Variants in SGMS1 observed in about 807,000 individuals in gnomAD.
SGMS1 encodes sphingomyelin synthase 1, also known as phosphatidylcholine:ceramide cholinephosphotransferase 1.
Under a neutral mutation model 46.2 loss-of-function variants are expected in SGMS1, and 13 were observed. The ratio of observed to expected loss-of-function variants is 0.28; its 90% CI spans 0.18 to 0.45. The LOEUF (loss-of-function observed/expected upper bound fraction) is 0.45. Ranked by LOEUF, SGMS1 falls within the 20% of genes least tolerant of loss-of-function variation. The pLI is 1.00. For missense variants in SGMS1, 324 were observed against 519.9 expected, an observed-to-expected ratio of 0.62 and a Z score of 3.66; for synonymous variants, 203 against 187.8, an observed-to-expected ratio of 1.08 and a Z score of -0.66.
At chr10:50,381,366 A>G (rs1445410257) in intron 6 of SGMS1, among the ~76,000 whole-genome samples, 2 of 152,122 alleles carry the variant, frequency 1.3e-5, no homozygotes, top group Non-Finnish European at 1.5e-5. Flanking sequence ...CTTTGGGAGC[A>G]CTGCCTACAC....
intron 7 of SGMS1, among the ~76,000 whole-genome samples, chr10:50,331,797 C>CT (rs1847627195): frequency 7.4e-6 from 1 of 134,472 alleles, no homozygotes; most frequent in Non-Finnish European, 1.6e-5. Context: ...AATTAGTGCC[C>CT]TTATAAAATA....
chr10:50,496,281 T>C (rs1368351463), intron 3 of SGMS1, among the ~76,000 whole-genome samples: 1 of 152,240 alleles, frequency 6.6e-6, no homozygotes, highest in Non-Finnish European at 1.5e-5. Context: ...AAGCTGGCAG[T>C]AGTACCTAGC....
intron 7 of SGMS1, chr10:50,335,671 A>G (rs1261883047): frequency 6.6e-6 from 1 of 152,230 alleles, no homozygotes; most frequent in Non-Finnish European, 1.5e-5. Context: ...TTAGACATCC[A>G]TGATGGTTTG....
intron 2 of SGMS1, among the ~76,000 whole-genome samples, chr10:50,533,228 ATAAG>A (rs1396489501): frequency 6.6e-6 from 1 of 152,238 alleles, no homozygotes; most frequent in Non-Finnish European, 1.5e-5. Context: ...ATGATGAAAA[ATAAG>A]TAGAGAGAGC....
intron 2 of SGMS1, among the ~76,000 whole-genome samples, chr10:50,521,319 C>CT (rs938192225): frequency 8.5e-5 from 13 of 152,116 alleles, no homozygotes; most frequent in African/African-American, 3.1e-4. Flanking sequence ...ATTCATTTGA[C>CT]TTTTTTTCTG....
intron 6 of SGMS1, among the ~76,000 whole-genome samples, chr10:50,367,547 C>T (rs1052187201): frequency 2.1e-4 from 32 of 152,204 alleles, no homozygotes; most frequent in Admixed American, 1.9e-3. Context: ...TGCTGGTCTC[C>T]TGGAGGTAAA....
intron 2 of SGMS1, among the ~76,000 whole-genome samples, chr10:50,560,327 ATAT>A (rs976267088): frequency 5.8e-5 from 8 of 137,590 alleles, no homozygotes; most frequent in South Asian, 2.2e-4. Flanking sequence ...TTAATATTAT[ATAT>A]TATTAATATT....
At chr10:50,408,840 A>T (rs1849059424) in intron 6 of SGMS1, among the ~76,000 whole-genome samples, 1 of 152,074 alleles carries the variant, frequency 6.6e-6, no homozygotes, top group South Asian at 2.1e-4. Context: ...GTACCATCGC[A>T]CTCCAGCATG....
chr10:50,481,252 G>A (rs1012230253), intron 3 of SGMS1, among the ~76,000 whole-genome samples: 12 of 152,206 alleles, frequency 7.9e-5, no homozygotes, highest in Admixed American at 2.0e-4. Context: ...CTCAACAGGG[G>A]TCATCACACA....
chr10:50,594,972 C>T (rs994432093), intron 1 of SGMS1, among the ~76,000 whole-genome samples: 1 of 152,146 alleles, frequency 6.6e-6, no homozygotes, highest in African/African-American at 2.4e-5. Context: ...TTCAGTTATG[C>T]AGTCACACAG....
chr10:50,399,310 A>G (rs1235432074), intron 6 of SGMS1, among the ~76,000 whole-genome samples: 3 of 152,200 alleles, frequency 2.0e-5, no homozygotes, highest in Non-Finnish European at 4.4e-5. Context: ...AAAACAGGAG[A>G]TTATAGTACT....
intron 3 of SGMS1, among the ~76,000 whole-genome samples, chr10:50,498,651 T>C (rs1349642241): frequency 5.9e-5 from 9 of 152,230 alleles, no homozygotes; most frequent in Admixed American, 5.9e-4. Context: ...TTCCTTCCTT[T>C]TTAGGGCTGA....
In SGMS1 at chr10:50,418,013, C is replaced by T. The variant is rs577172731; in HGVS notation, c.-232+15463G>A. 3 of 152,236 alleles carry T rather than the reference C, an allele frequency of 2.0e-5. No individual in the cohort carries two copies. In the South Asian group the frequency reaches 6.2e-4, roughly 31 times the overall value. The allele number at this position is 152,236 out of a possible 1,614,324, so 9.4% of individuals were successfully genotyped here. A position where few individuals can be genotyped will look rare whatever the true frequency, so the allele number is the denominator to read the frequency against. ...TTGCGGTATTTTAATCGGTTCACAC[C>T]GTCTGTTAGTGTATTCTAATGAACC... On this transcript the variant is annotated intron_variant, in intron 6 of 10. Coordinates refer to ENST00000361781, the MANE Select transcript of SGMS1 (RefSeq NM_147156.4).
intron 7 of SGMS1, among the ~76,000 whole-genome samples, chr10:50,332,938 T>C (rs1269112262): frequency 6.6e-6 from 1 of 152,210 alleles, no homozygotes; most frequent in African/African-American, 2.4e-5. Flanking sequence ...GAGCCACTCA[T>C]TGTTCCCTAA....
intron 8 of SGMS1, among the ~76,000 whole-genome samples, chr10:50,325,890 C>G (rs1847522963): frequency 6.6e-6 from 1 of 152,114 alleles, no homozygotes; most frequent in African/African-American, 2.4e-5. Context: ...CTTATCAAGC[C>G]AGGCTCCCAG....
At chr10:50,401,423 G>A (rs1333054056) in intron 6 of SGMS1, among the ~76,000 whole-genome samples, 1 of 152,164 alleles carries the variant, frequency 6.6e-6, no homozygotes, top group Non-Finnish European at 1.5e-5. Flanking sequence ...CTGAGGCTCG[G>A]AGAGAGTTTG....
intron 7 of SGMS1, among the ~76,000 whole-genome samples, chr10:50,329,848 T>A (rs755861795): frequency 6.6e-6 from 1 of 152,192 alleles, no homozygotes; most frequent in Non-Finnish European, 1.5e-5. Context: ...GCAAGGACTA[T>A]CATTTCAGAG....
intron 1 of SGMS1, among the ~76,000 whole-genome samples, chr10:50,593,104 C>A (rs1002213168): frequency 6.6e-6 from 1 of 152,166 alleles, no homozygotes; most frequent in African/African-American, 2.4e-5. Flanking sequence ...TATGAGGACA[C>A]GCTCAAGAAG....
chr10:50,596,231 C>T (rs1418766640), intron 1 of SGMS1, among the ~76,000 whole-genome samples: 1 of 147,206 alleles, frequency 6.8e-6, no homozygotes, highest in Non-Finnish European at 1.5e-5. Flanking sequence ...GGCTGAAGTG[C>T]AATGGCACGA....
Sources: allele counts gnomAD v4.1 joint callset (sites outside exome capture counted in the v4.1 genomes callset), GRCh38; gene constraint gnomAD v4.1.1; transcripts MANE v1.5; gene names NCBI Gene and HGNC (gene_info 2026-07-23, HGNC 2026-07-21).